The following SLC35D4 variants were observed in gnomAD, a reference collection of about 807,000 sequenced individuals.
The protein encoded by SLC35D4 is solute carrier family 35 member D4.
chr18:23,348,941 T>C, the SLC35D4 span, among the ~76,000 whole-genome samples: 1 of 152,384 alleles, frequency 6.6e-6, no homozygotes, highest in Non-Finnish European at 1.5e-5. Flanking sequence ...GTTTTGCATA[T>C]ATCAAATCCT....
At chr18:23,290,638 T>C in the SLC35D4 span, among the ~76,000 whole-genome samples, 5 of 151,934 alleles carry the variant, frequency 3.3e-5, no homozygotes, top group African/African-American at 1.2e-4. Context: ...TTCTTTTTTT[T>C]TTTTTTGAGA....
chr18:23,381,623 G>A, the SLC35D4 span, among the ~76,000 whole-genome samples: 1 of 152,068 alleles, frequency 6.6e-6, no homozygotes, highest in African/African-American at 2.4e-5. Context: ...TTTTTTTCTA[G>A]TTTGCCCTGA....
chr18:23,337,344 G>C, the SLC35D4 span, among the ~76,000 whole-genome samples: 1 of 151,918 alleles, frequency 6.6e-6, no homozygotes, highest in African/African-American at 2.4e-5. Context: ...GCATGGTGGC[G>C]GGCACCTGTA....
chr18:23,430,035 G>A, the SLC35D4 span, among the ~76,000 whole-genome samples: 1 of 152,078 alleles, frequency 6.6e-6, no homozygotes, highest in African/African-American at 2.4e-5. Context: ...GTCAATTTTT[G>A]TATTTGTTGC....
the SLC35D4 span, among the ~76,000 whole-genome samples, chr18:23,378,253 T>C: frequency 6.6e-6 from 1 of 151,464 alleles, no homozygotes; most frequent in Non-Finnish European, 1.5e-5. Context: ...TGCTCAGTGG[T>C]ATTGAATTCC....
chr18:23,335,395 C>G, the SLC35D4 span, among the ~76,000 whole-genome samples: 1 of 152,238 alleles, frequency 6.6e-6, no homozygotes, highest in Admixed American at 6.5e-5. Context: ...AGTCACTCTG[C>G]TGACACAGGC....
At chr18:23,417,186 G>A in the SLC35D4 span, among the ~76,000 whole-genome samples, 1 of 151,376 alleles carries the variant, frequency 6.6e-6, no homozygotes, top group Admixed American at 6.6e-5. Flanking sequence ...AGGCTGCAGT[G>A]AGCTAAGATT....
the SLC35D4 span, among the ~76,000 whole-genome samples, chr18:23,270,508 T>A: frequency 6.6e-6 from 1 of 152,178 alleles, no homozygotes; most frequent in Non-Finnish European, 1.5e-5. Flanking sequence ...AGGGCCACCA[T>A]CTTCCAGACC....
the SLC35D4 span, among the ~76,000 whole-genome samples, chr18:23,273,953 G>A: frequency 6.6e-6 from 1 of 151,178 alleles, no homozygotes; most frequent in Admixed American, 6.6e-5. Context: ...TTTTTTTTGC[G>A]ACGAGGTCTC....
chr18:23,403,634 T>C, the SLC35D4 span, among the ~76,000 whole-genome samples: 8,319 of 152,246 alleles, frequency 0.055, 312 homozygotes, highest in South Asian at 0.19. Flanking sequence ...GGAGAACACG[T>C]TGGAACAGGG....
At chr18:23,297,919 C>T in the SLC35D4 span, 2 of 1,489,124 alleles carry the variant, frequency 1.3e-6, no homozygotes, top group Non-Finnish European at 1.9e-6. Context: ...ACACATCCAA[C>T]AGGGAGCTAT....
chr18:23,308,963 C>T, the SLC35D4 span, among the ~76,000 whole-genome samples: 1 of 150,260 alleles, frequency 6.7e-6, no homozygotes, highest in East Asian at 2.0e-4. Flanking sequence ...GTTGTCAAGT[C>T]TCTTATATAA....
At chr18:23,415,400 G>C in the SLC35D4 span, among the ~76,000 whole-genome samples, 2 of 152,106 alleles carry the variant, frequency 1.3e-5, no homozygotes, top group Admixed American at 6.6e-5. Context: ...ACTTATAACA[G>C]ACGAAAAGTG....
chr18:23,317,341 A>T, the SLC35D4 span, among the ~76,000 whole-genome samples: 1 of 152,204 alleles, frequency 6.6e-6, no homozygotes, highest in East Asian at 1.9e-4. Context: ...AGTATCCACA[A>T]AATTGCCAAA....
the SLC35D4 span, among the ~76,000 whole-genome samples, chr18:23,271,441 G>A: frequency 1.5e-4 from 23 of 152,330 alleles, no homozygotes; most frequent in South Asian, 6.2e-4. Context: ...ATTAGCCCAC[G>A]GTGGAAAGCC....
the SLC35D4 span, chr18:23,297,935 CAG>C: frequency 6.4e-7 from 1 of 1,567,290 alleles, no homozygotes; most frequent in Non-Finnish European, 8.7e-7. Context: ...GCTATGAGAC[CAG>C]GGGCTCGTAC....
the SLC35D4 span, among the ~76,000 whole-genome samples, chr18:23,299,070 T>C: frequency 6.6e-6 from 1 of 152,206 alleles, no homozygotes; most frequent in African/African-American, 2.4e-5. Context: ...CACTTTAGCA[T>C]AGGAATGAAC....
the SLC35D4 span, among the ~76,000 whole-genome samples, chr18:23,336,844 G>A: frequency 6.6e-6 from 1 of 152,116 alleles, no homozygotes; most frequent in Admixed American, 6.5e-5. Flanking sequence ...GTGGGAATCA[G>A]GATGATAATG....
chr18:23,399,647 T>A, the SLC35D4 span: 24 of 1,613,400 alleles, frequency 1.5e-5, 1 homozygote, highest in Non-Finnish European at 1.8e-5. Context: ...GAACATGAGA[T>A]CTGAAAAGAG....
Sources: gnomAD v4.1 joint callset for allele counts (sites outside exome capture counted in the v4.1 genomes callset) on GRCh38, gnomAD v4.1.1 for gene constraint, MANE v1.5 for transcripts, NCBI Gene and HGNC (gene_info 2026-07-23, HGNC 2026-07-21) for gene names.